The following PARD3B variants were observed in gnomAD, a reference collection of about 807,000 sequenced individuals.
PARD3B encodes par-3 family cell polarity regulator beta.
A neutral mutation model predicts 130.2 loss-of-function variants in PARD3B; 103 were observed. That is an observed-to-expected ratio of 0.79 (90% CI 0.67 to 0.93). The LOEUF is 0.93. PARD3B is among the 40% of genes least tolerant of loss of function. The probability of loss-of-function intolerance (pLI) is 0.00; values close to 1 mark genes in which losing one functional copy is unlikely to be tolerated. For missense variants in PARD3B, 1,609 were observed against 1,499.2 expected (o/e 1.07, Z -1.21); for synonymous variants, 583 against 553.2 (o/e 1.05, Z -0.76).
At chr2:205,337,324 G>A (rs189401049) in intron 18 of PARD3B, among the ~76,000 whole-genome samples, 1 of 152,226 alleles carries the variant, frequency 6.6e-6, no homozygotes, top group East Asian at 1.9e-4. Flanking sequence ...TCTTCTTTAT[G>A]TCTCTATGTA....
rs2047088999 is a variant in PARD3B, at chr2:204,907,760, G to T, written c.223-57392G>T. 6.6e-6 allele frequency among the ~76,000 whole-genome samples: 1 copy of T among 152,130 alleles called. No individual in the cohort carries two copies. Among genetic ancestry groups the T allele is most frequent in the Admixed American group, 6.5e-5 (1 of 15,278 alleles). ...TCTGTCACCCAGGCTAGAGTACAGT[G>T]TTGCAATCTTGGCTCACTGCAACCT... On this transcript the variant is annotated intron_variant, in intron 2 of 22. Transcript: ENST00000406610. The surrounding 1 kb of genome is among the most constrained non-coding windows in gnomAD (Gnocchi z 5.7).
intron 1 of PARD3B, among the ~76,000 whole-genome samples, chr2:204,569,668 G>T (rs577940864): frequency 6.6e-6 from 1 of 152,296 alleles, no homozygotes; most frequent in East Asian, 1.9e-4. Flanking sequence ...TTGTTTGAGA[G>T]AAATTTTAGA....
chr2:205,023,110 G>C (rs566612103), intron 3 of PARD3B, among the ~76,000 whole-genome samples: 4 of 152,110 alleles, frequency 2.6e-5, no homozygotes, highest in South Asian at 4.1e-4. Flanking sequence ...GCCAAATCTT[G>C]GTGCAGTGCC....
In PARD3B at chr2:205,288,902, C is replaced by T. The variant is rs1025977896; in HGVS notation, c.2186-11628C>T. ...AAGCCTAAAATACTCCAGCCCTTAACTGTGCTCTATGTCAGCATTCTTGGT... is the reference window on the plus strand; with the variant it reads ...AAGCCTAAAATACTCCAGCCCTTAATTGTGCTCTATGTCAGCATTCTTGGT... On this transcript the variant is annotated intron_variant, in intron 16 of 22. Transcript: ENST00000406610. The surrounding 1 kb of genome is among the most constrained non-coding windows in gnomAD (Gnocchi z 4.0). 2.0e-5 allele frequency among the ~76,000 whole-genome samples: 3 copies of T among 152,238 alleles called. No homozygotes were observed.
intron 21 of PARD3B, among the ~76,000 whole-genome samples, chr2:205,514,149 G>A (rs78232971): frequency 2.8e-4 from 42 of 152,206 alleles, no homozygotes; most frequent in Non-Finnish European, 1.5e-4. Context: ...AGATCAGCCC[G>A]AGAGAGTAGA....
chr2:205,216,879 G>A (rs576905513), intron 15 of PARD3B, among the ~76,000 whole-genome samples: 1 of 152,146 alleles, frequency 6.6e-6, no homozygotes, highest in Admixed American at 6.6e-5. Context: ...GCCAATCCAG[G>A]GTCTCCGTGA....
At chr2:205,395,818 A>G (rs1395504575) in intron 18 of PARD3B, among the ~76,000 whole-genome samples, 2 of 152,206 alleles carry the variant, frequency 1.3e-5, no homozygotes, top group East Asian at 1.9e-4. Context: ...AATATTCATC[A>G]CATTGTATCA....
At chr2:205,066,342 G>A (rs1700376248) in intron 4 of PARD3B, among the ~76,000 whole-genome samples, 2 of 152,148 alleles carry the variant, frequency 1.3e-5, no homozygotes. Context: ...TAAGATAGGT[G>A]CCTTTTTCCT....
At chr2:205,569,511 G>A (rs537014942) in intron 22 of PARD3B, among the ~76,000 whole-genome samples, 2 of 152,110 alleles carry the variant, frequency 1.3e-5, no homozygotes, top group African/African-American at 2.4e-5. Flanking sequence ...ATTTTAAGTA[G>A]TAATGTGATT....
chr2:204,609,321 C>A (rs893014576), intron 1 of PARD3B, among the ~76,000 whole-genome samples: 2 of 152,098 alleles, frequency 1.3e-5, no homozygotes, highest in Non-Finnish European at 2.9e-5. Context: ...AAAGGAGACA[C>A]CAAACTCTGT....
At chr2:205,071,616 A>G (rs1700734245) in intron 4 of PARD3B, among the ~76,000 whole-genome samples, 1 of 152,240 alleles carries the variant, frequency 6.6e-6, no homozygotes, top group Non-Finnish European at 1.5e-5. Context: ...AAATGTTTTT[A>G]AATAACAGCA....
chr2:205,435,850 T>TGC (rs2047495318), intron 19 of PARD3B, among the ~76,000 whole-genome samples: 1 of 152,188 alleles, frequency 6.6e-6, no homozygotes, highest in Non-Finnish European at 1.5e-5. Context: ...AGTCTTAGTT[T>TGC]TATATTTAAA....
At position 205,440,763 on chromosome 2, in the gene PARD3B, A is replaced by C; in HGVS notation, c.3044+91A>C. 3 of 1,328,494 alleles carry C rather than the reference A, an allele frequency of 2.3e-6. No homozygotes were observed. The highest frequency in any genetic ancestry group is 3.1e-6 in the Non-Finnish European group (3 of 968,570). 82.3% of individuals were successfully genotyped at this position (1,328,494 alleles called of 1,614,324 possible). On this transcript the variant is annotated intron_variant, in intron 20 of 22. Coordinates refer to ENST00000406610, the MANE Select transcript of PARD3B (RefSeq NM_001302769.2). This position sits in a 1 kb window ranked among gnomAD's most constrained non-coding sequence, Gnocchi z 4.2. ...GAAACCGATAAAAAATGTCTCCTTC[A>C]ATCAATTAAAACTGAAACGAGTCAG... is the stretch of plus-strand genomic sequence containing the variant.
In PARD3B at chr2:204,819,927, G is replaced by C. The variant is rs961834573; in HGVS notation, c.222+133645G>C. Among the ~76,000 whole-genome samples the C allele has an allele frequency of 2.6e-5, 4 of 152,124 alleles. 1 individual carries two copies. The highest frequency in any genetic ancestry group is 9.6e-5 in the African/African-American group (4 of 41,496). On this transcript the variant is annotated intron_variant, in intron 2 of 22. Coordinates refer to ENST00000406610, the MANE Select transcript of PARD3B (RefSeq NM_001302769.2). ...AAAAGTTGGAAGCTAGCAGAGGGTT[G>C]GTTCATAGAGTTTAAGGAAAGAGGC...
At chr2:204,650,728 TATGAAGAACTACCTGAGATTGGGTAATTG>T (rs2035447875) in intron 1 of PARD3B, among the ~76,000 whole-genome samples, 1 of 152,172 alleles carries the variant, frequency 6.6e-6, no homozygotes, top group Admixed American at 6.5e-5. Context: ...TTCACATTGC[TATGAAGAACTACCTGAGATTGGGTAATTG>T]ATGAAGAAAA....
At chr2:205,239,172 A>G (rs1451329456) in intron 15 of PARD3B, among the ~76,000 whole-genome samples, 1 of 151,950 alleles carries the variant, frequency 6.6e-6, no homozygotes, top group East Asian at 1.9e-4. Context: ...AATTAGCATC[A>G]GAATCCAGGG....
At chr2:204,903,273 G>T (rs1199668405) in intron 2 of PARD3B, among the ~76,000 whole-genome samples, 1 of 152,156 alleles carries the variant, frequency 6.6e-6, no homozygotes, top group Non-Finnish European at 1.5e-5. Context: ...GAATAAAATA[G>T]AACTTTCTTA....
chr2:204,880,880 A>G (rs2046021569), intron 2 of PARD3B, among the ~76,000 whole-genome samples: 1 of 152,164 alleles, frequency 6.6e-6, no homozygotes, highest in Non-Finnish European at 1.5e-5. Flanking sequence ...ATATTAGAAC[A>G]AACGTGCTAC....
chr2:204,763,938 G>A (rs571116434), intron 2 of PARD3B, among the ~76,000 whole-genome samples: 5 of 152,236 alleles, frequency 3.3e-5, no homozygotes, highest in African/African-American at 1.2e-4. Context: ...TGAATATGTG[G>A]TCTATTCTTA....
Sources: gnomAD v4.1 joint callset for allele counts (sites outside exome capture counted in the v4.1 genomes callset) on GRCh38, gnomAD v4.1.1 for gene constraint, Gnocchi (gnomAD v3.1) non-coding constraint, MANE v1.5 for transcripts, NCBI Gene and HGNC (gene_info 2026-07-23, HGNC 2026-07-21) for gene names.